GPC6: variants seen among roughly 807,000 people sequenced by gnomAD.
GPC6 encodes the protein glypican 6.
In GPC6, 14 loss-of-function variants were observed where a neutral mutation model predicts 55.2. The ratio of observed to expected loss-of-function variants is 0.25; its 90% CI spans 0.17 to 0.40. GPC6 has a LOEUF of 0.40. Ranked by LOEUF, GPC6 falls within the 10% of genes least tolerant of loss-of-function variation. The pLI, the probability that GPC6 is intolerant of heterozygous loss-of-function variation, is 1.00. For synonymous variants in GPC6, 278 were observed against 259.6 expected (o/e 1.07, Z -0.68); for missense variants, 641 against 708.5 (o/e 0.90, Z 1.08).
intron 1 of GPC6, among the ~76,000 whole-genome samples, chr13:93,327,781 C>A (rs565132987): frequency 6.6e-6 from 1 of 151,254 alleles, no homozygotes; most frequent in Non-Finnish European, 1.5e-5. Context: ...ATGTATTAAA[C>A]GGAATAAGTG....
chr13:94,378,715 G>A (rs1218868677), intron 6 of GPC6, among the ~76,000 whole-genome samples: 1 of 152,130 alleles, frequency 6.6e-6, no homozygotes, highest in African/African-American at 2.4e-5. Flanking sequence ...AGTAGTTGTT[G>A]TTTAACTTCC....
intron 4 of GPC6, among the ~76,000 whole-genome samples, chr13:94,148,617 C>A (rs935174153): frequency 1.3e-5 from 2 of 152,060 alleles, no homozygotes; most frequent in Non-Finnish European, 2.9e-5. Flanking sequence ...CTGTAGCGAC[C>A]ATTACATGTT....
chr13:93,479,611 C>T (rs944308478), intron 1 of GPC6, among the ~76,000 whole-genome samples: 5 of 141,652 alleles, frequency 3.5e-5, no homozygotes, highest in African/African-American at 1.3e-4. Flanking sequence ...TGGTGAGACC[C>T]CCCCCCATCT....
intron 1 of GPC6, among the ~76,000 whole-genome samples, chr13:93,371,821 C>CA (rs146483267): frequency 0.036 from 5,510 of 151,858 alleles, 336 homozygotes; most frequent in African/African-American, 0.12. Flanking sequence ...TGTGTATAGG[C>CA]AAAAAAAGAC....
chr13:93,272,182 T>C (rs556391618), intron 1 of GPC6, among the ~76,000 whole-genome samples: 136 of 152,194 alleles, frequency 8.9e-4, no homozygotes, highest in Non-Finnish European at 1.6e-3. Flanking sequence ...TTGGGGCATA[T>C]TATTTCTGAA....
intron 4 of GPC6, among the ~76,000 whole-genome samples, chr13:94,250,304 T>C (rs1028198579): frequency 1.3e-5 from 2 of 152,150 alleles, no homozygotes; most frequent in East Asian, 3.9e-4. Flanking sequence ...TTGAAGGGAA[T>C]ATCAAGAGAT....
At chr13:94,169,708 T>A (rs1207189601) in intron 4 of GPC6, among the ~76,000 whole-genome samples, 1 of 152,080 alleles carries the variant, frequency 6.6e-6, no homozygotes, top group East Asian at 1.9e-4. Flanking sequence ...AACATGCCAT[T>A]GGGAGAGTGG....
chr13:93,801,479 G>A (rs892506750), intron 2 of GPC6, among the ~76,000 whole-genome samples: 2 of 152,064 alleles, frequency 1.3e-5, no homozygotes, highest in Non-Finnish European at 2.9e-5. Flanking sequence ...CTGTCGAAAT[G>A]TCTGACCCCT....
chr13:93,231,360 C>CATATATATATAT (rs1566533348), intron 1 of GPC6, among the ~76,000 whole-genome samples: 1 of 14,944 alleles, frequency 6.7e-5, no homozygotes, highest in African/African-American at 2.5e-4. Context: ...TATATATATA[C>CATATATATATAT]GTATATATAT....
intron 2 of GPC6, among the ~76,000 whole-genome samples, chr13:93,595,350 GTTGA>G (rs1201413402): frequency 1.1e-4 from 16 of 152,196 alleles, no homozygotes; most frequent in African/African-American, 3.1e-4. Flanking sequence ...TTTAGAGATG[GTTGA>G]TTAAGATGCA....
At chr13:93,894,277 C>G (rs1566590455) in intron 3 of GPC6, among the ~76,000 whole-genome samples, 2 of 151,992 alleles carry the variant, frequency 1.3e-5, no homozygotes, top group Non-Finnish European at 1.5e-5. Flanking sequence ...TTACTTCAGC[C>G]TGTGAAATAA....
intron 2 of GPC6, among the ~76,000 whole-genome samples, chr13:93,633,128 G>GGTCA (rs1189841058): frequency 1.3e-5 from 2 of 152,042 alleles, no homozygotes; most frequent in Admixed American, 6.6e-5. Context: ...TGTTCTCATG[G>GGTCA]GTCATACTTG....
intron 3 of GPC6, among the ~76,000 whole-genome samples, chr13:93,857,420 T>A (rs1888658077): frequency 6.6e-6 from 1 of 151,566 alleles, no homozygotes; most frequent in South Asian, 2.1e-4. Context: ...GATCAGGTCC[T>A]GTCTTGTTTA....
chr13:94,229,337 C>T (rs1890651026), intron 4 of GPC6, among the ~76,000 whole-genome samples: 1 of 152,160 alleles, frequency 6.6e-6, no homozygotes, highest in Non-Finnish European at 1.5e-5. Context: ...ACACACACAA[C>T]ACCTTGGAGG....
At chr13:93,655,446 C>T (rs151261414) in intron 2 of GPC6, among the ~76,000 whole-genome samples, 1 of 152,124 alleles carries the variant, frequency 6.6e-6, no homozygotes, top group African/African-American at 2.4e-5. Flanking sequence ...CCAAACTGCT[C>T]CTTTGATAAG....
chr13:94,309,895 G>A (rs1876150059), intron 6 of GPC6, among the ~76,000 whole-genome samples: 1 of 152,094 alleles, frequency 6.6e-6, no homozygotes, highest in African/African-American at 2.4e-5. Flanking sequence ...AATCAAACAG[G>A]CCAGAGATTA....
chr13:94,221,814 G>A (rs1029589484), intron 4 of GPC6, among the ~76,000 whole-genome samples: 2 of 152,160 alleles, frequency 1.3e-5, no homozygotes, highest in African/African-American at 2.4e-5. Context: ...AATAAAGCTC[G>A]AAGGCACAAA....
At chr13:93,256,242 A>G (rs1313564700) in intron 1 of GPC6, among the ~76,000 whole-genome samples, 1 of 151,880 alleles carries the variant, frequency 6.6e-6, no homozygotes, top group Non-Finnish European at 1.5e-5. Context: ...CCTAATTTCT[A>G]AAGAAAATTT....
intron 3 of GPC6, among the ~76,000 whole-genome samples, chr13:93,896,983 T>G (rs1048158597): frequency 8.1e-6 from 1 of 123,914 alleles, no homozygotes; most frequent in African/African-American, 3.4e-5. Context: ...AACCTCATTA[T>G]TCTTTTTTTT....
Sources: allele counts gnomAD v4.1 joint callset (sites outside exome capture counted in the v4.1 genomes callset), GRCh38; gene constraint gnomAD v4.1.1; transcripts MANE v1.5; gene names NCBI Gene and HGNC (gene_info 2026-07-23, HGNC 2026-07-21).